The following EP400 variants were observed in gnomAD, a reference collection of about 807,000 sequenced individuals.
The protein encoded by EP400 is E1A-binding protein p400.
In EP400, 105 loss-of-function variants were observed where a neutral mutation model predicts 354.1. The observed-to-expected ratio is 0.30, with a 90% CI of 0.25 to 0.35. EP400 has a LOEUF of 0.35. Ranked by LOEUF, EP400 falls within the 10% of genes least tolerant of loss-of-function variation. The probability of loss-of-function intolerance (pLI) is 1.00; values close to 1 mark genes in which losing one functional copy is unlikely to be tolerated. For synonymous variants in EP400, 1,646 were observed against 1,716.9 expected (o/e 0.96, Z 1.02); for missense variants, 3,280 against 4,121.0 (o/e 0.80, Z 5.59).
Position 131,961,093 on chromosome 12 carries a change from G to T in EP400, c.474G>T (p.Gly158=). 1 of 1,604,646 alleles carries T rather than the reference G, an allele frequency of 6.2e-7. No individual in the cohort carries two copies. Among genetic ancestry groups the T allele is most frequent in the Non-Finnish European group, 8.5e-7 (1 of 1,175,578 alleles). Residue 158 remains glycine (G), a synonymous_variant, in exon 2 of 53, where the codon GGG becomes GGT. Coordinates refer to ENST00000389561, the MANE Select transcript of EP400 (RefSeq NM_015409.5). ...TGCGTGCAGGTGCCCCTGGCCCTGG[G>T]CTGGGCCTCTGCAGCAGCAGCCCTA... The part of the protein sequence containing the change: ...QNVRAGAPGP[G]LGLCSSSPTG...
At chr12:131,989,929 G>T in intron 7 of EP400, 35 bp from the exon 8 acceptor site, 1 of 1,610,100 alleles carries the variant, frequency 6.2e-7, no homozygotes, top group African/African-American at 1.3e-5. Context: ...ATGACATAGA[G>T]TACAACATAC....
chr12:131,959,836 C>G (rs1891816904), intron 1 of EP400, among the ~76,000 whole-genome samples: 1 of 152,230 alleles, frequency 6.6e-6, no homozygotes, highest in African/African-American at 2.4e-5. Flanking sequence ...GCAGCCTCCC[C>G]AGGGCAAGGA....
intron 37 of EP400, 110 bp from the exon 38 acceptor site, chr12:132,045,209 C>G: frequency 2.0e-6 from 3 of 1,510,298 alleles, no homozygotes; most frequent in Non-Finnish European, 2.7e-6. Flanking sequence ...TTTCTGTGGC[C>G]TCTTTGCCCA....
In EP400 at chr12:132,029,596, C is replaced by T. The variant is rs756097839; in HGVS notation, c.5382-105C>T. On this transcript the variant is annotated intron_variant, in intron 27 of 52. Coordinates refer to ENST00000389561, the MANE Select transcript of EP400 (RefSeq NM_015409.5). The surrounding 1 kb of genome is among the most constrained non-coding windows in gnomAD (Gnocchi z 4.7). ...TGACTGGGTTGAGCCCTGCTGTTTC[C>T]TGGGACTTGGACTGTCAGAAGTCTG... is the stretch of plus-strand genomic sequence containing the variant. 41 of 1,300,172 alleles carry T rather than the reference C, an allele frequency of 3.2e-5. No individual in the cohort carries two copies. Among genetic ancestry groups the T allele is most frequent in the Admixed American group, 1.4e-4 (7 of 50,926 alleles). The allele number at this position is 1,300,172 out of a possible 1,614,324, so 80.5% of individuals were successfully genotyped here.
Position 132,043,412 on chromosome 12 carries a change from T to C in EP400, c.6316T>C (p.Cys2106Arg), listed in dbSNP as rs1894980201. The change falls in exon 33 of 53, where the codon TGT becomes CGT. Residue 2106 changes from cysteine (C) to arginine (R), a missense_variant. This residue lies in a region of EP400 where 54 missense variants were observed against 41.3 expected (regional missense o/e 1.31). Transcript: ENST00000389561. ...GTCATCAGACTCTGAGAACATGCCG[T>C]GTGATGAAGAACCATCCCAATTAGA... ...ALSSDSENMP[C>R]DEEPSQLEEL... 1.9e-6 allele frequency: 3 copies of C among 1,613,526 alleles called. No homozygotes were observed. The highest frequency in any genetic ancestry group is 2.5e-6 in the Non-Finnish European group (3 of 1,180,048).
intron 12 of EP400, among the ~76,000 whole-genome samples, chr12:132,004,652 T>G (rs1053610757): frequency 6.6e-6 from 1 of 152,220 alleles, no homozygotes; most frequent in African/African-American, 2.4e-5. Flanking sequence ...CTTTCAAAGA[T>G]TCTCATCTTT....
At position 132,032,027 on chromosome 12, in the gene EP400, T is replaced by G. The variant is rs763680626; in HGVS notation, c.5829T>G (p.Gly1943=). Residue 1943 remains glycine, a synonymous_variant, in exon 30 of 53, where the codon GGT becomes GGG. Coordinates refer to ENST00000389561, the MANE Select transcript of EP400 (RefSeq NM_015409.5). The part of the protein sequence containing the change: ...AILSTHSRTT[G]INLVEADTVV... ...TCTCCACTCACAGCCGTACCACAGG[T>G]ATAAACCTTGTAGAGGCGGACACCG... 4.5e-5 allele frequency: 73 copies of G among 1,614,088 alleles called. No individual in the cohort carries two copies. The highest frequency in any genetic ancestry group is 5.7e-5 in the Non-Finnish European group (67 of 1,180,046).
In EP400 at chr12:132,005,157, G is replaced by C. The variant is rs1263673698; in HGVS notation, c.2908G>C (p.Asp970His). 5 of 1,581,460 alleles carry C rather than the reference G, an allele frequency of 3.2e-6. No individual in the cohort carries two copies. Among genetic ancestry groups the C allele is most frequent in the Non-Finnish European group, 4.3e-6 (5 of 1,163,650 alleles). The change falls in exon 13 of 53, where the codon GAT becomes CAT. Residue 970 changes from aspartate to histidine, a missense_variant. Asp to His is a moderately conservative substitution (Grantham distance 81). Coordinates refer to ENST00000389561, the MANE Select transcript of EP400 (RefSeq NM_015409.5). Reference sequence around the variant, plus strand: ...TTCTCAGTGGCCCCGGCCGAAGCCTGATGGGGAGGACACAAGCGGAGAGGA... The same window carrying C: ...TTCTCAGTGGCCCCGGCCGAAGCCTCATGGGGAGGACACAAGCGGAGAGGA... ...PSSQWPRPKP[D>H]GEDTSGEEDA...
At chr12:131,972,313 C>G (rs920748569) in intron 2 of EP400, among the ~76,000 whole-genome samples, 3 of 152,012 alleles carry the variant, frequency 2.0e-5, no homozygotes, top group South Asian at 2.1e-4. Context: ...CGACCACGCC[C>G]GGCGAATTTT....
chr12:132,001,952 A>G (rs1893430181), intron 12 of EP400, among the ~76,000 whole-genome samples: 1 of 152,234 alleles, frequency 6.6e-6, no homozygotes, highest in Non-Finnish European at 1.5e-5. Flanking sequence ...GTTGTTTTAT[A>G]TATTTTATTA....
intron 19 of EP400, among the ~76,000 whole-genome samples, chr12:132,016,758 G>A (rs76110670): frequency 6.6e-5 from 10 of 152,170 alleles, no homozygotes; most frequent in African/African-American, 1.9e-4. Flanking sequence ...CACGTCCGGC[G>A]TGGCAGAACT....
At chr12:131,997,258 G>A (rs536392806) in intron 12 of EP400, among the ~76,000 whole-genome samples, 5 of 151,644 alleles carry the variant, frequency 3.3e-5, no homozygotes, top group Admixed American at 2.0e-4. Context: ...CATATTTTAT[G>A]TGGTTTTTTT....
At chr12:131,959,778 A>G (rs569394174) in intron 1 of EP400, among the ~76,000 whole-genome samples, 4 of 151,542 alleles carry the variant, frequency 2.6e-5, no homozygotes, top group Non-Finnish European at 5.9e-5. Context: ...CCTACCTTCC[A>G]CTCCAGGACT....
chr12:131,977,826 C>G (rs1242091418), intron 2 of EP400, among the ~76,000 whole-genome samples: 1 of 152,082 alleles, frequency 6.6e-6, no homozygotes, highest in African/African-American at 2.4e-5. Context: ...TAAGCCTTTC[C>G]CCGTGTGAGT....
chr12:132,056,073 G>C (rs1327598484), intron 45 of EP400, among the ~76,000 whole-genome samples: 1 of 151,918 alleles, frequency 6.6e-6, no homozygotes, highest in Non-Finnish European at 1.5e-5. Context: ...TGGAGAGGAG[G>C]CACCTAGGCA....
chr12:131,999,254 C>A (rs1893325669), intron 12 of EP400, among the ~76,000 whole-genome samples: 1 of 152,114 alleles, frequency 6.6e-6, no homozygotes. Context: ...TGAGGATTTG[C>A]AGTGCGTGGA....
chr12:132,006,358 C>A, intron 14 of EP400, 56 bp downstream of exon 14: 2 of 1,556,366 alleles, frequency 1.3e-6, no homozygotes, highest in Non-Finnish European at 1.7e-6. Context: ...GAGCACATAG[C>A]TTAGCCATGA....
In EP400 at chr12:132,018,662, G is replaced by C. The variant is rs1212436232; in HGVS notation, c.4277+286G>C. Among the ~76,000 whole-genome samples the C allele has an allele frequency of 2.0e-5, 3 of 152,182 alleles. No individual in the cohort carries two copies. The highest frequency in any genetic ancestry group is 7.2e-5 in the African/African-American group (3 of 41,426). On this transcript the variant is annotated intron_variant, in intron 21 of 52. Transcript: ENST00000389561. The surrounding 1 kb of genome is among the most constrained non-coding windows in gnomAD (Gnocchi z 4.0). ...AGGGCTGCATTTGACCTGGTGCCTC[G>C]TGTGGTGGAGGCTGGTGTGGCCGAA...
chr12:132,037,668 T>G lies in EP400; in HGVS notation c.5952-14T>G. ...CTGGTGACTGACTTAGCATCTTACA[T>G]CTTTTGTTTGCAGGCTTGTGAGTGG... On this transcript the variant is annotated splice_polypyrimidine_tract_variant and intron_variant, in intron 30 of 52. Coordinates refer to ENST00000389561, the MANE Select transcript of EP400 (RefSeq NM_015409.5). 6.2e-7 allele frequency: 1 copy of G among 1,609,594 alleles called. No homozygotes were observed. The highest frequency in any genetic ancestry group is 8.5e-7 in the Non-Finnish European group (1 of 1,175,728).
Sources: allele counts gnomAD v4.1 joint callset (sites outside exome capture counted in the v4.1 genomes callset), GRCh38; gene constraint gnomAD v4.1.1; regional missense constraint gnomAD v4.1.1; non-coding constraint Gnocchi (gnomAD v3.1); transcripts MANE v1.5; gene names NCBI Gene and HGNC (gene_info 2026-07-23, HGNC 2026-07-21).